KIF20A: variants seen among roughly 807,000 people sequenced by gnomAD.
KIF20A encodes the protein kinesin-like protein KIF20A.
KIF20A carries 66 observed loss-of-function variants against 113.0 expected under a neutral mutation model. The observed-to-expected ratio is 0.58, with a 90% CI of 0.48 to 0.72. The LOEUF is 0.72. Among genes scored for constraint, KIF20A ranks in the 30% least tolerant of loss-of-function variants. The probability of loss-of-function intolerance (pLI) is 0.00; values close to 1 mark genes in which losing one functional copy is unlikely to be tolerated. For missense variants in KIF20A, 927 were observed against 1,077.6 expected (o/e 0.86, Z 1.96); for synonymous variants, 376 against 402.3 (o/e 0.93, Z 0.78).
In KIF20A at chr5:138,183,814, C is replaced by CA. The variant is rs1489105821; in HGVS notation, c.1208+59dup. The stretch of plus-strand genomic sequence containing the variant: ...TGGCCATAAATGATAGTTGGGAAAG[C>CA]ATGGAGGAGGTCCTCAGGGGAACTA... On this transcript the variant is annotated intron_variant, in intron 10 of 18. Transcript: ENST00000394894. The surrounding 1 kb of genome is among the most constrained non-coding windows in gnomAD (Gnocchi z 5.2). 2 of 1,574,244 alleles carry CA rather than the reference C, an allele frequency of 1.3e-6. No homozygotes were observed. Among genetic ancestry groups the CA allele is most frequent in the Non-Finnish European group, 1.7e-6 (2 of 1,145,482 alleles).
chr5:138,183,994 G>A lies in KIF20A; in HGVS notation c.1241G>A (p.Arg414His), dbSNP rs144942820. The A allele has an allele frequency of 6.8e-6, 11 of 1,614,136 alleles. No individual in the cohort carries two copies. Among genetic ancestry groups the A allele is most frequent in the East Asian group, 2.2e-5 (1 of 44,872 alleles). The change falls in exon 11 of 19, where the codon CGC becomes CAC. Residue 414 changes from arginine to histidine, a missense_variant. Physicochemically the swap from Arg to His is conservative, Grantham distance 29. Coordinates refer to ENST00000394894, the MANE Select transcript of KIF20A (RefSeq NM_005733.3). The surrounding 1 kb of genome is among the most constrained non-coding windows in gnomAD (Gnocchi z 5.2). Reference sequence around the variant, plus strand: ...CTCTGTGATCTGGCTGGCTCAGAGCGCTGCAAAGATCAGAAGAGTGGTGAA... The same window carrying A: ...CTCTGTGATCTGGCTGGCTCAGAGCACTGCAAAGATCAGAAGAGTGGTGAA... The part of the protein sequence containing the change: ...LSLCDLAGSE[R>H]CKDQKSGERL...
At position 138,186,394 on chromosome 5, in the gene KIF20A, A is replaced by T; in HGVS notation, c.2318A>T (p.Gln773Leu). 1 of 1,611,314 alleles carries T rather than the reference A, an allele frequency of 6.2e-7. No individual in the cohort carries two copies. The highest frequency in any genetic ancestry group is 1.7e-4 in the Middle Eastern group (1 of 6,046). The change falls in exon 18 of 19, where the codon CAA (glutamine) becomes CTA (leucine). Residue 773 changes from glutamine (Q) to leucine (L), a missense_variant. By Grantham distance (113) the Gln-to-Leu change is moderately radical. Transcript: ENST00000394894. ...AGCACTGGGGCAGGAAAACTTCGTC[A>T]AGCCTTGACCACTTGTGATGACATC... The part of the protein sequence containing the change: ...CHSTGAGKLR[Q>L]ALTTCDDILI...
chr5:138,181,833 T>C (rs1754666956), intron 4 of KIF20A, 105 bp downstream of exon 4: 10 of 1,329,302 alleles, frequency 7.5e-6, no homozygotes, highest in Non-Finnish European at 9.4e-6. Flanking sequence ...TCCTTGTATA[T>C]GCACACCTAC....
Position 138,185,747 on chromosome 5 carries a change from T to C in KIF20A, c.2125+37T>C, listed in dbSNP as rs764652491. 5.0e-6 allele frequency: 8 copies of C among 1,605,282 alleles called. No individual in the cohort carries two copies. In the Admixed American group the frequency reaches 1.3e-4, roughly 27 times the overall value. On this transcript the variant is annotated intron_variant, in intron 16 of 18. Coordinates refer to ENST00000394894, the MANE Select transcript of KIF20A (RefSeq NM_005733.3). ...GACAGGCAGGAAACATAACAGTGGT[T>C]CAGGGAAGAGCTGTTACTTAAACCC...
rs1278594770 is a variant in KIF20A, at chr5:138,182,897, A to G, written c.739A>G (p.Ile247Val). The G allele has an allele frequency of 1.9e-6, 3 of 1,614,068 alleles. No homozygotes were observed. The highest frequency in any genetic ancestry group is 2.5e-6 in the Non-Finnish European group (3 of 1,180,024). The change falls in exon 7 of 19, where the codon ATC becomes GTC. Residue 247 changes from isoleucine (I) to valine (V), a missense_variant. Ile to Val is a conservative substitution (Grantham distance 29, BLOSUM62 3). Transcript: ENST00000394894. ...CACTTCCTTGAAGAGGAGTGTCTAC[A>G]TCGAAAGTCGGATAGGTACCAGCAC... ...LSTSLKRSVY[I>V]ESRIGTSTSF...
chr5:138,183,122 G>A lies in KIF20A; in HGVS notation c.833-47G>A. Reference sequence around the variant, plus strand: ...CAAGGCCCCTGCAGGCCAAAAGAGAGGTGAACTGCTCTAGGTTGATGCCCT... The same window carrying A: ...CAAGGCCCCTGCAGGCCAAAAGAGAAGTGAACTGCTCTAGGTTGATGCCCT... On this transcript the variant is annotated intron_variant, in intron 7 of 18. Coordinates refer to ENST00000394894, the MANE Select transcript of KIF20A (RefSeq NM_005733.3). The surrounding 1 kb of genome is among the most constrained non-coding windows in gnomAD (Gnocchi z 5.2). 2 of 1,605,646 alleles carry A rather than the reference G, an allele frequency of 1.2e-6. No individual in the cohort carries two copies. Among genetic ancestry groups the A allele is most frequent in the Non-Finnish European group, 1.7e-6 (2 of 1,174,896 alleles).
In KIF20A at chr5:138,183,927, G is replaced by A; in HGVS notation, c.1209-35G>A. On this transcript the variant is annotated intron_variant, in intron 10 of 18. Coordinates refer to ENST00000394894, the MANE Select transcript of KIF20A (RefSeq NM_005733.3). This position sits in a 1 kb window ranked among gnomAD's most constrained non-coding sequence, Gnocchi z 5.2. ...AAGGGCCAGAAGGCTCATAACATGTGAGGCCCTTATGTCAGATCCTGTGCA... is the reference window on the plus strand; with the variant it reads ...AAGGGCCAGAAGGCTCATAACATGTAAGGCCCTTATGTCAGATCCTGTGCA... The A allele has an allele frequency of 6.2e-7, 1 of 1,613,340 alleles. No individual in the cohort carries two copies. Among genetic ancestry groups the A allele is most frequent in the Non-Finnish European group, 8.5e-7 (1 of 1,179,510 alleles).
chr5:138,181,558 A>G (rs762718554), intron 3 of KIF20A, 47 bp downstream of exon 3: 49 of 1,613,988 alleles, frequency 3.0e-5, no homozygotes, highest in Non-Finnish European at 4.0e-5. Context: ...ATGCAGTACA[A>G]AAGATTCCCA....
In KIF20A at chr5:138,184,102, A is replaced by C. The variant is rs1268954036; in HGVS notation, c.1349A>C (p.Asn450Thr). 1 of 1,614,016 alleles carries C rather than the reference A, an allele frequency of 6.2e-7. No homozygotes were observed. The highest frequency in any genetic ancestry group is 1.3e-5 in the African/African-American group (1 of 74,918). Reference sequence around the variant, plus strand: ...GCTGCCCTTCGTCAAAACCAGCAGAACCGGTGAGCTTTTGACTATAATTCC... The same window carrying C: ...GCTGCCCTTCGTCAAAACCAGCAGACCCGGTGAGCTTTTGACTATAATTCC... ...CIAALRQNQQNRSKQNLVPFR... is the reference protein window; with the variant it reads ...CIAALRQNQQTRSKQNLVPFR... The change falls in exon 11 of 19, where the codon AAC becomes ACC. Residue 450 changes from asparagine (N) to threonine (T), a missense_variant. Coordinates refer to ENST00000394894, the MANE Select transcript of KIF20A (RefSeq NM_005733.3).
In KIF20A at chr5:138,185,158, C is replaced by A; in HGVS notation, c.1887C>A (p.Leu629=). The A allele has an allele frequency of 6.2e-7, 1 of 1,613,886 alleles. No homozygotes were observed. The highest frequency in any genetic ancestry group is 8.5e-7 in the Non-Finnish European group (1 of 1,179,832). The part of the protein sequence containing the change: ...EEMYEEKLNI[L]KESLTSFYQE... ...TGTATGAAGAAAAACTAAATATCCT[C>A]AAGGAGTCACTGACAAGTTTTTACC... Residue 629 remains leucine, a synonymous_variant, in exon 15 of 19, where the codon CTC becomes CTA. Transcript: ENST00000394894.
At position 138,185,623 on chromosome 5, in the gene KIF20A, T is replaced by A. The variant is rs1754731681; in HGVS notation, c.2038T>A (p.Leu680Met). 1 of 1,614,016 alleles carries A rather than the reference T, an allele frequency of 6.2e-7. No individual in the cohort carries two copies. Among genetic ancestry groups the A allele is most frequent in the African/African-American group, 1.3e-5 (1 of 74,912 alleles). ...ATTGGCCCTACGGCGGTCACAAAGG[T>A]TGGCAGCTTCTGCCTCCACCCAGCA... The part of the protein sequence containing the change: ...SELALRRSQR[L>M]AASASTQQLQ... The change falls in exon 16 of 19, where the codon TTG becomes ATG. Residue 680 changes from leucine to methionine, a missense_variant. Leu to Met is a conservative substitution (Grantham distance 15). Transcript: ENST00000394894.
rs1308933783 is a variant in KIF20A at position 138,182,610 on chromosome 5, T to TC, written c.544dup (p.Arg182ProfsTer9). The TC allele has an allele frequency of 6.2e-7, 1 of 1,614,024 alleles. No individual in the cohort carries two copies. Among genetic ancestry groups the TC allele is most frequent in the Non-Finnish European group, 8.5e-7 (1 of 1,180,028 alleles). ...GGTACCATCAAGGATGGAGGGATTC[T>TC]CCCCCGGTCCCTGGCGCTGATCTTC... On this transcript the variant is annotated frameshift_variant, in exon 6 of 19. Transcript: ENST00000394894. LOFTEE classifies it high-confidence loss of function.
In KIF20A at chr5:138,183,113, CAA is replaced by C. The variant is rs1754687192; in HGVS notation, c.833-53_833-52del. The C allele has an allele frequency of 6.2e-7, 1 of 1,602,962 alleles. No homozygotes were observed. Among genetic ancestry groups the C allele is most frequent in the African/African-American group, 1.3e-5 (1 of 74,666 alleles). On this transcript the variant is annotated intron_variant, in intron 7 of 18. Coordinates refer to ENST00000394894, the MANE Select transcript of KIF20A (RefSeq NM_005733.3). The surrounding 1 kb of genome is among the most constrained non-coding windows in gnomAD (Gnocchi z 5.2). ...TCTGCCTTCCAAGGCCCCTGCAGGC[CAA>C]AAGAGAGGTGAACTGCTCTAGGTTG...
chr5:138,184,098 CA>C lies in KIF20A; in HGVS notation c.1346del (p.Gln449ArgfsTer16). ...RCIAALRQNQ[Q>X]NRSKQNLVPF... The stretch of plus-strand genomic sequence containing the variant: ...TATTGCTGCCCTTCGTCAAAACCAG[CA>C]GAACCGGTGAGCTTTTGACTATAAT... On this transcript the variant is annotated frameshift_variant, in exon 11 of 19. Transcript: ENST00000394894. LOFTEE classifies it high-confidence loss of function. 6.2e-7 allele frequency: 1 copy of C among 1,614,120 alleles called. No homozygotes were observed. Among genetic ancestry groups the C allele is most frequent in the African/African-American group, 1.3e-5 (1 of 75,038 alleles).
Position 138,181,440 on chromosome 5 carries a change from A to G in KIF20A, c.184A>G (p.Met62Val), listed in dbSNP as rs1214662426. 1 of 1,614,210 alleles carries G rather than the reference A, an allele frequency of 6.2e-7. No individual in the cohort carries two copies. The highest frequency in any genetic ancestry group is 1.7e-5 in the Admixed American group (1 of 60,024). ...GCCACAGGTTCCATCTGAGGACAGT[A>G]TGGAGAAGGTGAAAGTATACTTGAG... ...DKQQVPSEDS[M>V]EKVKVYLRVR... Residue 62 changes from methionine (M) to valine (V), a missense_variant, in exon 3 of 19, where the codon ATG becomes GTG. Met to Val is a conservative substitution (Grantham distance 21, BLOSUM62 1). Coordinates refer to ENST00000394894, the MANE Select transcript of KIF20A (RefSeq NM_005733.3).
rs138686481 is a variant in KIF20A at position 138,183,000 on chromosome 5, G to A, written c.832+10G>A. On this transcript the variant is annotated intron_variant, in intron 7 of 18. Coordinates refer to ENST00000394894, the MANE Select transcript of KIF20A (RefSeq NM_005733.3). ...AGTAGCCAGCTGGATGGTATGTACCGTGACTGGGCTCTGCCAAAAAATAGT... is the reference window on the plus strand; with the variant it reads ...AGTAGCCAGCTGGATGGTATGTACCATGACTGGGCTCTGCCAAAAAATAGT... The A allele has an allele frequency of 2.0e-5, 33 of 1,614,018 alleles. No individual in the cohort carries two copies. The highest frequency in any genetic ancestry group is 6.7e-5 in the Admixed American group (4 of 60,022).
rs1754718686 is a variant in KIF20A at position 138,184,820 on chromosome 5, T to TC, written c.1697_1698insC (p.Val567CysfsTer25). ...TGTCTCTCCTAGGAGCTCCTACAAG[T>TC]TGTGGAAGCCATGAAGACACTGCTT... is the stretch of plus-strand genomic sequence containing the variant. On this transcript the variant is annotated frameshift_variant, in exon 14 of 19. Coordinates refer to ENST00000394894, the MANE Select transcript of KIF20A (RefSeq NM_005733.3). LOFTEE classifies it high-confidence loss of function. The TC allele has an allele frequency of 6.2e-7, 1 of 1,613,914 alleles. No individual in the cohort carries two copies. The highest frequency in any genetic ancestry group is 1.7e-5 in the Admixed American group (1 of 59,986).
chr5:138,185,946 G>A lies in KIF20A; in HGVS notation c.2126-15G>A. 3 of 1,611,592 alleles carry A rather than the reference G, an allele frequency of 1.9e-6. No homozygotes were observed. Among genetic ancestry groups the A allele is most frequent in the African/African-American group, 1.3e-5 (1 of 74,958 alleles). ...AAACCCCACATATTTTAAGTTTCCT[G>A]TTTCCTTCCCTCAGAGTTGCATAAG... On this transcript the variant is annotated splice_polypyrimidine_tract_variant and intron_variant, in intron 16 of 18. Transcript: ENST00000394894.
In KIF20A at chr5:138,183,918, A is replaced by G. The variant is rs745382895; in HGVS notation, c.1209-44A>G. 2 of 1,612,554 alleles carry G rather than the reference A, an allele frequency of 1.2e-6. No individual in the cohort carries two copies. Among genetic ancestry groups the G allele is most frequent in the Admixed American group, 1.7e-5 (1 of 59,872 alleles). On this transcript the variant is annotated intron_variant, in intron 10 of 18. Coordinates refer to ENST00000394894, the MANE Select transcript of KIF20A (RefSeq NM_005733.3). The surrounding 1 kb of genome is among the most constrained non-coding windows in gnomAD (Gnocchi z 5.2). Reference sequence around the variant, plus strand: ...AATTATACAAAGGGCCAGAAGGCTCATAACATGTGAGGCCCTTATGTCAGA... The same window carrying G: ...AATTATACAAAGGGCCAGAAGGCTCGTAACATGTGAGGCCCTTATGTCAGA...
Sources: gnomAD v4.1 joint callset for allele counts on GRCh38, gnomAD v4.1.1 for gene constraint, Gnocchi (gnomAD v3.1) non-coding constraint, MANE v1.5 for transcripts, NCBI Gene and HGNC (gene_info 2026-07-23, HGNC 2026-07-21) for gene names.